ACAP2: variants seen among roughly 807,000 people sequenced by gnomAD.
ACAP2 encodes ArfGAP with coiled-coil, ankyrin repeat and PH domains 2.
Under a neutral mutation model 115.8 loss-of-function variants are expected in ACAP2, and 39 were observed. The observed-to-expected ratio is 0.34, with a 90% CI of 0.26 to 0.44. ACAP2 has a LOEUF of 0.44. Ranked by LOEUF, ACAP2 falls within the 20% of genes least tolerant of loss-of-function variation. The pLI, the probability that ACAP2 is intolerant of heterozygous loss-of-function variation, is 1.00. For missense variants in ACAP2, 662 were observed against 927.6 expected (o/e 0.71, Z 3.72); for synonymous variants, 289 against 315.8 (o/e 0.92, Z 0.90).
At chr3:195,384,752 G>A (rs4677839) in intron 2 of ACAP2, among the ~76,000 whole-genome samples, 46,044 of 151,778 alleles carry the variant, frequency 0.3, 8,039 homozygotes, top group East Asian at 0.82. Context: ...GCACAAGGGC[G>A]CAAGAGAAAC....
Position 195,277,492 on chromosome 3 carries a change from A to G in ACAP2, c.*1836T>C, listed in dbSNP as rs989997425. 1 of 152,252 alleles carries G rather than the reference A, an allele frequency of 6.6e-6. No individual in the cohort carries two copies. 9.4% of individuals were successfully genotyped at this position (152,252 alleles called of 1,614,324 possible). A position where few individuals can be genotyped will look rare whatever the true frequency, so the allele number is the denominator to read the frequency against. On this transcript the variant is annotated 3_prime_UTR_variant, in exon 23 of 23. Transcript: ENST00000326793. ...ATATTTTTATCCTTATCTAACATAC[A>G]GTGACCATTACTAAATAAGCATTAC...
At chr3:195,307,978 T>A (rs1223264205) in intron 11 of ACAP2, among the ~76,000 whole-genome samples, 2 of 152,108 alleles carry the variant, frequency 1.3e-5, no homozygotes. Context: ...AAAAAGTAAC[T>A]AGGTGAAAAG....
intron 4 of ACAP2, among the ~76,000 whole-genome samples, chr3:195,346,920 A>C (rs1008394305): frequency 2.6e-5 from 4 of 152,194 alleles, no homozygotes; most frequent in African/African-American, 9.7e-5. Flanking sequence ...GGAAAGTGCA[A>C]GACTGAGGGG....
Position 195,382,001 on chromosome 3 carries a change from T to C in ACAP2, c.133A>G (p.Met45Val). The change falls in exon 3 of 23, where the codon ATG (methionine) becomes GTG (valine). Residue 45 changes from methionine (M) to valine (V), a missense_variant. By Grantham distance (21) the Met-to-Val change is conservative (BLOSUM62 1). Transcript: ENST00000326793. ...LDKLVKLCIA[M>V]IDTGKAFCVA... ...CAAAAGGCTTTTCCAGTATCAATCA[T>C]TGCAATACAAAGTTTCACAAGCTGA... 3 of 1,604,294 alleles carry C rather than the reference T, an allele frequency of 1.9e-6. No homozygotes were observed. Among genetic ancestry groups the C allele is most frequent in the South Asian group, 1.1e-5 (1 of 88,530 alleles).
At position 195,442,832 on chromosome 3, in the gene ACAP2, C is replaced by G; in HGVS notation, c.16G>C (p.Asp6His). ...GAGTCCTTCAGACACTCCTCGAAAT[C>G]CACAGTCATCTTCATCCTGCCTCCG... MKMTV[D>H]FEECLKDSPR... Residue 6 changes from aspartate to histidine, a missense_variant, in exon 1 of 23, where the codon GAT becomes CAT. Physicochemically the swap from Asp to His is moderately conservative, Grantham distance 81 (BLOSUM62 -1). Coordinates refer to ENST00000326793, the MANE Select transcript of ACAP2 (RefSeq NM_012287.6). The G allele has an allele frequency of 6.5e-7, 1 of 1,527,774 alleles. No individual in the cohort carries two copies. The highest frequency in any genetic ancestry group is 8.8e-7 in the Non-Finnish European group (1 of 1,137,562). The allele number at this position is 1,527,774 out of a possible 1,614,324, so 94.6% of individuals were successfully genotyped here. A position where few individuals can be genotyped will look rare whatever the true frequency, so the allele number is the denominator to read the frequency against.
chr3:195,316,158 G>A (rs1011148984), intron 10 of ACAP2, among the ~76,000 whole-genome samples: 1 of 149,578 alleles, frequency 6.7e-6, no homozygotes, highest in African/African-American at 2.5e-5. Context: ...ATACTGGTGA[G>A]TAACCTTTAT....
At chr3:195,400,165 T>C (rs1335179267) in intron 1 of ACAP2, among the ~76,000 whole-genome samples, 1 of 150,414 alleles carries the variant, frequency 6.6e-6, no homozygotes, top group African/African-American at 2.4e-5. Flanking sequence ...GCAACAAGAA[T>C]GACAGTCCGT....
chr3:195,317,569 C>A (rs535121630), intron 10 of ACAP2, among the ~76,000 whole-genome samples: 64 of 152,270 alleles, frequency 4.2e-4, no homozygotes, highest in African/African-American at 1.5e-3. Context: ...GACAACCAAT[C>A]TTTTGGTTGA....
At chr3:195,351,078 G>A (rs1472511365) in intron 4 of ACAP2, among the ~76,000 whole-genome samples, 1 of 149,730 alleles carries the variant, frequency 6.7e-6, no homozygotes, top group Non-Finnish European at 1.5e-5. Context: ...GAAAATATCT[G>A]CAAAACATAT....
chr3:195,293,663 G>A (rs1727416380), intron 18 of ACAP2, among the ~76,000 whole-genome samples: 1 of 152,104 alleles, frequency 6.6e-6, no homozygotes, highest in South Asian at 2.1e-4. Flanking sequence ...CCAACATGGT[G>A]AAACCCCATC....
intron 1 of ACAP2, among the ~76,000 whole-genome samples, chr3:195,441,075 T>G (rs1337146701): frequency 6.6e-6 from 1 of 151,940 alleles, no homozygotes; most frequent in African/African-American, 2.4e-5. Context: ...AGACATCACA[T>G]GGTTTGTGAC....
chr3:195,301,606 G>A lies in ACAP2; in HGVS notation c.1364C>T (p.Thr455Ile). 1 of 1,613,406 alleles carries A rather than the reference G, an allele frequency of 6.2e-7. No individual in the cohort carries two copies. The highest frequency in any genetic ancestry group is 8.5e-7 in the Non-Finnish European group (1 of 1,179,860). Residue 455 changes from threonine (T) to isoleucine (I), a missense_variant, in exon 15 of 23, where the codon ACT (threonine) becomes ATT (isoleucine). Thr to Ile is a moderately conservative substitution (Grantham distance 89, BLOSUM62 -1). This residue lies in a region of ACAP2 where 401 missense variants were observed against 604.4 expected (regional missense o/e 0.66). Coordinates refer to ENST00000326793, the MANE Select transcript of ACAP2 (RefSeq NM_012287.6). The stretch of plus-strand genomic sequence containing the variant: ...AAGTTCTGGCTCCCAGGTGTCTAAA[G>A]TTAAAGATCGTACTTTTGAAAAATG... Reference protein sequence around the residue: ...GVHFSKVRSLTLDTWEPELLK... With the variant: ...GVHFSKVRSLILDTWEPELLK...
intron 1 of ACAP2, among the ~76,000 whole-genome samples, chr3:195,406,675 C>A (rs1712799106): frequency 6.6e-6 from 1 of 152,126 alleles, no homozygotes; most frequent in South Asian, 2.1e-4. Flanking sequence ...CCCTTTTGTT[C>A]CAGATAGTTT....
chr3:195,419,276 C>T (rs1713983471), intron 1 of ACAP2, among the ~76,000 whole-genome samples: 1 of 152,202 alleles, frequency 6.6e-6, no homozygotes, highest in African/African-American at 2.4e-5. Context: ...CATTAATCGA[C>T]TTTCTGTCTG....
rs1326408262 is a variant in ACAP2 at position 195,394,772 on chromosome 3, T to C, written c.54-2625A>G. Among the ~76,000 whole-genome samples the C allele has an allele frequency of 2.0e-5, 3 of 152,240 alleles. No homozygotes were observed. The East Asian group carries it at 5.8e-4, about 29-fold the overall frequency. On this transcript the variant is annotated intron_variant, in intron 1 of 22. Transcript: ENST00000326793. ...GTTAGCTAGGCACATAGTGTGTGGC[T>C]GTAATCCCAGCTACTGTGGATTCTG...
chr3:195,331,610 G>T (rs1730173607), intron 8 of ACAP2, among the ~76,000 whole-genome samples: 1 of 151,858 alleles, frequency 6.6e-6, no homozygotes, highest in East Asian at 1.9e-4. Flanking sequence ...ACCATGCCTG[G>T]CATAAACTCT....
chr3:195,367,423 G>T (rs1218690025), intron 4 of ACAP2, among the ~76,000 whole-genome samples: 4 of 152,068 alleles, frequency 2.6e-5, no homozygotes, highest in Admixed American at 2.6e-4. Flanking sequence ...AAAACTCTGG[G>T]GGAATGGGGA....
At chr3:195,321,813 A>C (rs1225047327) in intron 9 of ACAP2, among the ~76,000 whole-genome samples, 1 of 151,928 alleles carries the variant, frequency 6.6e-6, no homozygotes, top group Non-Finnish European at 1.5e-5. Flanking sequence ...GGATTTCACC[A>C]TGTTAGCCAG....
intron 6 of ACAP2, among the ~76,000 whole-genome samples, chr3:195,337,183 AAAAG>A (rs1730561542): frequency 6.6e-6 from 1 of 152,256 alleles, no homozygotes; most frequent in Non-Finnish European, 1.5e-5. Context: ...TTTCTGAGCT[AAAAG>A]AAAAACTGGT....
Sources: gnomAD v4.1 joint callset for allele counts (sites outside exome capture counted in the v4.1 genomes callset) on GRCh38, gnomAD v4.1.1 for gene constraint, gnomAD v4.1.1 regional missense constraint, MANE v1.5 for transcripts, NCBI Gene and HGNC (gene_info 2026-07-23, HGNC 2026-07-21) for gene names.